Variants in DMD observed in about 807,000 individuals in gnomAD.
The protein encoded by DMD is mutant dystrophin.
In DMD, 63 loss-of-function variants were observed where a neutral mutation model predicts 330.1. The ratio of observed to expected loss-of-function variants is 0.19; its 90% CI spans 0.16 to 0.24. The LOEUF is 0.24. Among genes scored for constraint, DMD ranks in the 10% least tolerant of loss-of-function variants. The probability of loss-of-function intolerance (pLI) is 1.00; values close to 1 mark genes in which losing one functional copy is unlikely to be tolerated. For missense variants in DMD, 3,344 were observed against 2,684.1 expected, an observed-to-expected ratio of 1.25 and a Z score of -5.43; for synonymous variants, 1,223 against 959.8, an observed-to-expected ratio of 1.27 and a Z score of -5.07.
intron 64 of DMD, among the ~76,000 whole-genome samples, chrX:31,210,085 T>C (rs923706763): frequency 8.9e-6 from 1 of 111,874 alleles, no homozygotes; most frequent in Non-Finnish European, 1.9e-5. Flanking sequence ...GATCCGATGA[T>C]ACTTTCTTGT....
chrX:32,832,489 A>G (rs1388798498), intron 4 of DMD, among the ~76,000 whole-genome samples: 1 of 111,192 alleles, frequency 9.0e-6, no homozygotes, highest in African/African-American at 3.3e-5. Context: ...TCCTTCCAAC[A>G]TTCTAGATAA....
rs183643245 is a variant in DMD, at chrX:31,507,458, A to G, written c.8218-5T>C. ...TTCAATTTCACCTTGGAGGTCCTAC[A>G]GGACAGCAGGAAGAAGAATATGTGC... On this transcript the variant is annotated splice_polypyrimidine_tract_variant and splice_region_variant and intron_variant, in intron 55 of 78. Transcript: ENST00000357033. The G allele has an allele frequency of 1.9e-5, 23 of 1,194,837 alleles. No individual in the cohort carries two copies. The East Asian group carries it at 6.0e-4, about 31-fold the overall frequency.
chrX:31,675,659 C>T (rs527549237), intron 53 of DMD, among the ~76,000 whole-genome samples: 1 of 111,525 alleles, frequency 9.0e-6, no homozygotes, highest in South Asian at 3.8e-4. Context: ...CCGCGCCCGG[C>T]CTCACCATTC....
At chrX:31,498,852 T>G (rs1340357336) in intron 56 of DMD, among the ~76,000 whole-genome samples, 1 of 112,277 alleles carries the variant, frequency 8.9e-6, no homozygotes, top group African/African-American at 3.2e-5. Context: ...ATGTCATGAA[T>G]TGAATATAAT....
At chrX:31,619,823 G>A (rs2078426765) in intron 55 of DMD, among the ~76,000 whole-genome samples, 1 of 111,967 alleles carries the variant, frequency 8.9e-6, no homozygotes, top group Non-Finnish European at 1.9e-5. Context: ...GTTTACGTAT[G>A]AATGAGACAT....
At chrX:33,019,183 G>A (rs1210125560) in intron 2 of DMD, among the ~76,000 whole-genome samples, 1 of 111,436 alleles carries the variant, frequency 9.0e-6, no homozygotes, top group Non-Finnish European at 1.9e-5. Flanking sequence ...CCCATAGAGG[G>A]AGTAATTCAT....
At chrX:32,314,694 AG>A (rs1472072702) in intron 41 of DMD, among the ~76,000 whole-genome samples, 1 of 111,701 alleles carries the variant, frequency 9.0e-6, no homozygotes, top group Non-Finnish European at 1.9e-5. Flanking sequence ...CAAATTTACA[AG>A]AAAAAAAAGA....
intron 1 of DMD, among the ~76,000 whole-genome samples, chrX:33,046,165 C>T (rs1427305900): frequency 9.0e-6 from 1 of 111,201 alleles, no homozygotes; most frequent in Non-Finnish European, 1.9e-5. Flanking sequence ...GGCTAGAGTC[C>T]TAACAACTCC....
rs56312485 is a variant in DMD at position 31,343,582 on chromosome X, A to AGTGTGT, written c.9163+4968_9163+4973dup. Among the ~76,000 whole-genome samples the AGTGTGT allele has an allele frequency of 2.6e-3, 231 of 87,622 alleles. 1 individual carries two copies. The highest frequency in any genetic ancestry group is 0.017 in the East Asian group (44 of 2,553). The allele number at this position is 87,622 out of a possible 115,157, so 76.1% of individuals were successfully genotyped here. On this transcript the variant is annotated intron_variant, in intron 61 of 78. Coordinates refer to ENST00000357033, the MANE Select transcript of DMD (RefSeq NM_004006.3). ...AATTTCCAAATAATTTCCAAAGGGG[A>AGTGTGT]GTGTGTGTGTGTGTGTGTGTGTGTG...
At chrX:32,660,317 G>C (rs1473321626) in intron 9 of DMD, among the ~76,000 whole-genome samples, 4 of 110,831 alleles carry the variant, frequency 3.6e-5, no homozygotes, top group African/African-American at 1.3e-4. Flanking sequence ...TACTAGAAGA[G>C]GATTAAAGGA....
At chrX:32,264,381 A>T (rs2097335839) in intron 43 of DMD, among the ~76,000 whole-genome samples, 1 of 111,988 alleles carries the variant, frequency 8.9e-6, no homozygotes, top group Admixed American at 9.5e-5. Flanking sequence ...TAGCAGCATG[A>T]GAACAGACTA....
At chrX:31,362,132 A>G (rs941640325) in intron 60 of DMD, among the ~76,000 whole-genome samples, 5 of 112,640 alleles carry the variant, frequency 4.4e-5, no homozygotes, top group African/African-American at 1.6e-4. Context: ...ATGATTAAAT[A>G]TAAAAGCATT....
At chrX:31,308,052 CACCT>C (rs1413813692) in intron 62 of DMD, among the ~76,000 whole-genome samples, 2 of 111,523 alleles carry the variant, frequency 1.8e-5, no homozygotes, top group African/African-American at 6.5e-5. Context: ...AGGGCTTGTG[CACCT>C]ACGATAATCT....
intron 34 of DMD, among the ~76,000 whole-genome samples, chrX:32,380,005 T>A (rs933391886): frequency 9.0e-6 from 1 of 111,566 alleles, no homozygotes; most frequent in African/African-American, 3.3e-5. Flanking sequence ...GGGCAAGAAT[T>A]TAACGGCTAA....
intron 29 of DMD, among the ~76,000 whole-genome samples, chrX:32,428,629 T>C (rs2098222968): frequency 8.9e-6 from 1 of 111,785 alleles, no homozygotes; most frequent in African/African-American, 3.3e-5. Flanking sequence ...TTTTTGTTTC[T>C]TTTGACAGAG....
chrX:32,412,153 A>T (rs374235751), intron 29 of DMD: 24 of 1,133,094 alleles, frequency 2.1e-5, no homozygotes, highest in Non-Finnish European at 2.7e-5. Flanking sequence ...CAATCACAAT[A>T]TCACGTACAT....
intron 7 of DMD, among the ~76,000 whole-genome samples, chrX:32,725,683 G>C (rs945921581): frequency 9.0e-6 from 1 of 111,235 alleles, no homozygotes; most frequent in Non-Finnish European, 1.9e-5. Context: ...TCAACTCAAA[G>C]GCTGAGTAGG....
chrX:31,749,407 T>C (rs1272303002), intron 51 of DMD, among the ~76,000 whole-genome samples: 1 of 102,244 alleles, frequency 9.8e-6, no homozygotes, highest in African/African-American at 3.5e-5. Flanking sequence ...GGTTTTTTGT[T>C]CTTGCAATAG....
At chrX:32,432,363 G>A (rs1461795512) in intron 29 of DMD, among the ~76,000 whole-genome samples, 2 of 111,637 alleles carry the variant, frequency 1.8e-5, no homozygotes, top group African/African-American at 6.5e-5. Flanking sequence ...CCATACAAAT[G>A]TCAGTGGTCA....
Sources: gnomAD v4.1 joint callset for allele counts (sites outside exome capture counted in the v4.1 genomes callset) on GRCh38, gnomAD v4.1.1 for gene constraint, MANE v1.5 for transcripts, NCBI Gene and HGNC (gene_info 2026-07-23, HGNC 2026-07-21) for gene names.